Variants in XRCC1 observed in about 807,000 individuals in gnomAD.
XRCC1 encodes the protein DNA repair protein XRCC1.
In XRCC1, 52 loss-of-function variants were observed where a neutral mutation model predicts 83.3. That is an observed-to-expected ratio of 0.62 (90% CI 0.50 to 0.79). XRCC1 has a LOEUF of 0.79. Among genes scored for constraint, XRCC1 ranks in the 30% least tolerant of loss-of-function variants. The pLI, the probability that XRCC1 is intolerant of heterozygous loss-of-function variation, is 0.00. For synonymous variants in XRCC1, 281 were observed against 312.6 expected (o/e 0.90, Z 1.07); for missense variants, 793 against 823.5 (o/e 0.96, Z 0.45).
intron 8 of XRCC1, 136 bp from the exon 9 acceptor site, chr19:43,552,411 C>A: frequency 1.4e-6 from 1 of 699,296 alleles, no homozygotes; most frequent in Non-Finnish European, 2.4e-6. Context: ...CCCCTCCCCC[C>A]TCAGACCCAG....
intron 13 of XRCC1, 31 bp downstream of exon 13, chr19:43,546,021 G>A (rs748162914): frequency 1.2e-6 from 2 of 1,613,700 alleles, no homozygotes; most frequent in Non-Finnish European, 1.7e-6. Flanking sequence ...CCCAAGGCCA[G>A]GGACACCCCA....
intron 2 of XRCC1, among the ~76,000 whole-genome samples, chr19:43,561,732 T>C (rs1308450316): frequency 6.6e-6 from 1 of 152,262 alleles, no homozygotes; most frequent in Non-Finnish European, 1.5e-5. Context: ...CTGCCATTCC[T>C]GTCTGACAGA....
intron 8 of XRCC1, 145 bp from the exon 9 acceptor site, chr19:43,552,420 A>AGGG: frequency 4.4e-6 from 2 of 459,692 alleles, no homozygotes; most frequent in Non-Finnish European, 7.0e-6. Context: ...CCTCAGACCC[A>AGGG]GGGGTCCAGG....
At chr19:43,551,404 C>T (rs1972572715) in intron 10 of XRCC1, among the ~76,000 whole-genome samples, 167 bp downstream of exon 10, 1 of 152,188 alleles carries the variant, frequency 6.6e-6, no homozygotes, top group South Asian at 2.1e-4. Flanking sequence ...GTCCTCCTTC[C>T]CTCATCTGGA....
intron 2 of XRCC1, among the ~76,000 whole-genome samples, chr19:43,563,544 T>A (rs1972722476): frequency 6.6e-6 from 1 of 152,096 alleles, no homozygotes; most frequent in African/African-American, 2.4e-5. Flanking sequence ...CCAGTCTGAC[T>A]GCTCCCCAGG....
At chr19:43,554,088 G>A (rs1972611026) in intron 4 of XRCC1, among the ~76,000 whole-genome samples, 1 of 152,182 alleles carries the variant, frequency 6.6e-6, no homozygotes, top group Non-Finnish European at 1.5e-5. Flanking sequence ...GTCCCTGCAC[G>A]ACCTCATAAG....
intron 2 of XRCC1, among the ~76,000 whole-genome samples, chr19:43,566,695 A>G (rs1568518056): frequency 6.6e-6 from 1 of 151,792 alleles, no homozygotes; most frequent in Non-Finnish European, 1.5e-5. Context: ...CCTGGGCAAC[A>G]CGGCGAAACC....
At position 43,545,959 on chromosome 19, in the gene XRCC1, T is replaced by TG. The variant is rs755014581; in HGVS notation, c.1482-3dup. On this transcript the variant is annotated splice_region_variant and splice_polypyrimidine_tract_variant and intron_variant, in intron 13 of 16. Coordinates refer to ENST00000262887, the MANE Select transcript of XRCC1 (RefSeq NM_006297.3). ...CTGTGTTCCTTCTGCTCTGCCACCC[T>TG]GGGGGTGCCAAGAGGAGTAGAGAGT... The TG allele has an allele frequency of 3.1e-6, 5 of 1,613,788 alleles. No homozygotes were observed. The highest frequency in any genetic ancestry group is 3.4e-6 in the Non-Finnish European group (4 of 1,179,846).
chr19:43,575,290 T>G, intron 1 of XRCC1, 118 bp downstream of exon 1: 5 of 1,174,962 alleles, frequency 4.3e-6, no homozygotes, highest in Non-Finnish European at 5.9e-6. Context: ...ACTTTTAGCC[T>G]CCTGGAAATC....
At chr19:43,543,718 C>T in intron 15 of XRCC1, 31 bp from the exon 16 acceptor site, 1 of 1,605,918 alleles carries the variant, frequency 6.2e-7, no homozygotes, top group Non-Finnish European at 8.5e-7. Flanking sequence ...AGGTAGAAGG[C>T]ACATCAGGGA....
chr19:43,548,782 A>AAAAAAAAAAAAAAAAAC (rs1972547004), intron 10 of XRCC1, among the ~76,000 whole-genome samples: 1 of 150,630 alleles, frequency 6.6e-6, no homozygotes, highest in Non-Finnish European at 1.5e-5. Flanking sequence ...AAAAAAAAAA[A>AAAAAAAAAAAAAAAAAC]AAAACACAAC....
chr19:43,547,031 G>T, intron 10 of XRCC1, 54 bp from the exon 11 acceptor site: 1 of 1,549,872 alleles, frequency 6.5e-7, no homozygotes, highest in Non-Finnish European at 8.9e-7. Context: ...TGGGGAGGGC[G>T]TTCAGGAGGC....
chr19:43,551,600 G>A lies in XRCC1; in HGVS notation c.1170C>T (p.His390=), dbSNP rs1310549669. The A allele has an allele frequency of 6.2e-7, 1 of 1,614,206 alleles. No individual in the cohort carries two copies. Among genetic ancestry groups the A allele is most frequent in the Admixed American group, 1.7e-5 (1 of 60,032 alleles). Residue 390 remains histidine (H), a synonymous_variant, in exon 10 of 17, where the codon CAC becomes CAT. Transcript: ENST00000262887. ...IVRKEWVLDC[H]RMRRRLPSQR... ...GGGAGGGCAGCCGCCGACGCATGCG[G>A]TGACAGTCCAGCACCCACTCCTTAC...
chr19:43,554,184 T>A (rs554947727), intron 4 of XRCC1, among the ~76,000 whole-genome samples: 1 of 152,272 alleles, frequency 6.6e-6, no homozygotes, highest in South Asian at 2.1e-4. Context: ...CATCACATAC[T>A]CCAGTCTCAC....
chr19:43,558,081 A>AG (rs1972657400), intron 3 of XRCC1, among the ~76,000 whole-genome samples: 3 of 152,172 alleles, frequency 2.0e-5, no homozygotes, highest in African/African-American at 7.2e-5. Context: ...TAAACCTTGT[A>AG]GTTTGTCTAG....
Position 43,543,311 on chromosome 19 carries a change from T to G in XRCC1, c.*81A>C. 51 of 1,382,538 alleles carry G rather than the reference T, an allele frequency of 3.7e-5. No homozygotes were observed. Among genetic ancestry groups the G allele is most frequent in the Non-Finnish European group, 4.6e-5 (46 of 997,560 alleles). The allele number at this position is 1,382,538 out of a possible 1,614,324, so 85.6% of individuals were successfully genotyped here. On this transcript the variant is annotated 3_prime_UTR_variant, in exon 17 of 17. Transcript: ENST00000262887. ...CTTAGAGTTTTGGGAGACTCTTGGATGAGAACCAACTCATCTTTATTAAAT... is the reference window on the plus strand; with the variant it reads ...CTTAGAGTTTTGGGAGACTCTTGGAGGAGAACCAACTCATCTTTATTAAAT...
intron 6 of XRCC1, 60 bp downstream of exon 6, chr19:43,553,341 C>T: frequency 6.4e-7 from 1 of 1,565,850 alleles, no homozygotes; most frequent in Non-Finnish European, 8.8e-7. Context: ...CCTCTACCCT[C>T]AGACCCACGA....
intron 10 of XRCC1, among the ~76,000 whole-genome samples, chr19:43,549,432 G>C (rs1276494249): frequency 6.6e-6 from 1 of 152,004 alleles, no homozygotes; most frequent in African/African-American, 2.4e-5. Flanking sequence ...GCTAATTTTT[G>C]TATTTTTTGG....
At chr19:43,554,982 G>T in intron 3 of XRCC1, 178 bp from the exon 4 acceptor site, 1 of 583,914 alleles carries the variant, frequency 1.7e-6, no homozygotes, top group Non-Finnish European at 2.9e-6. Context: ...GTCCTGCCCT[G>T]ACACAGGCCC....
Sources: gnomAD v4.1 joint callset for allele counts (sites outside exome capture counted in the v4.1 genomes callset) on GRCh38, gnomAD v4.1.1 for gene constraint, MANE v1.5 for transcripts, NCBI Gene and HGNC (gene_info 2026-07-23, HGNC 2026-07-21) for gene names.